Variants in OCLN observed in about 807,000 individuals in gnomAD.
OCLN encodes the protein phosphatase 1, regulatory subunit 115.
In OCLN, 21 loss-of-function variants were observed where a neutral mutation model predicts 47.9. That is an observed-to-expected ratio of 0.44 (90% CI 0.31 to 0.63). OCLN has a LOEUF of 0.63. Ranked by LOEUF, OCLN falls within the 30% of genes least tolerant of loss-of-function variation. The probability of loss-of-function intolerance (pLI) is 0.08; values close to 1 mark genes in which losing one functional copy is unlikely to be tolerated. For missense variants in OCLN, 360 were observed against 571.0 expected, an observed-to-expected ratio of 0.63 and a Z score of 3.77; for synonymous variants, 117 against 198.4, an observed-to-expected ratio of 0.59 and a Z score of 3.45.
chr5:69,518,127 C>T (rs1475935789), intron 4 of OCLN, among the ~76,000 whole-genome samples: 1 of 152,124 alleles, frequency 6.6e-6, no homozygotes, highest in East Asian at 1.9e-4. Context: ...CAAAAGATAG[C>T]TGTTGTAACT....
chr5:69,498,081 G>T (rs369252657), intron 1 of OCLN, among the ~76,000 whole-genome samples: 2 of 151,524 alleles, frequency 1.3e-5, no homozygotes, highest in East Asian at 3.9e-4. Context: ...GCAGTGAGCC[G>T]AGATCCCGCC....
chr5:69,517,735 G>A (rs534619532), intron 4 of OCLN, among the ~76,000 whole-genome samples: 10 of 152,146 alleles, frequency 6.6e-5, no homozygotes, highest in Non-Finnish European at 1.5e-4. Flanking sequence ...GCTGTGGTAT[G>A]TATTCACCAC....
At chr5:69,511,800 G>A (rs1046908822) in intron 3 of OCLN, among the ~76,000 whole-genome samples, 20 of 152,146 alleles carry the variant, frequency 1.3e-4, no homozygotes, top group African/African-American at 2.4e-4. Flanking sequence ...CAAGGTGGGC[G>A]GATCACCTGA....
chr5:69,506,168 G>T (rs1394566710), intron 2 of OCLN, among the ~76,000 whole-genome samples: 6 of 152,214 alleles, frequency 3.9e-5, no homozygotes, highest in Admixed American at 1.3e-4. Context: ...ACAAAAGCCA[G>T]GTGTGGTGGT....
At chr5:69,536,357 CTT>C (rs1244683515) in intron 5 of OCLN, among the ~76,000 whole-genome samples, 1 of 141,784 alleles carries the variant, frequency 7.1e-6, no homozygotes, top group East Asian at 2.0e-4. Context: ...TTTTTTGACT[CTT>C]TTGTAATAAC....
rs905329592 is a variant in OCLN at position 69,554,526 on chromosome 5, A to G, written c.*855A>G. The G allele has an allele frequency of 1.3e-5, 2 of 151,940 alleles. No individual in the cohort carries two copies. Among genetic ancestry groups the G allele is most frequent in the Non-Finnish European group, 2.9e-5 (2 of 67,966 alleles). 9.4% of individuals were successfully genotyped at this position (151,940 alleles called of 1,614,324 possible). ...TATCTTACAGGAATGTTCAATTTCT[A>G]TACATATTTTATAAGGTATTAAACC... On this transcript the variant is annotated 3_prime_UTR_variant, in exon 9 of 9. Coordinates refer to ENST00000396442, the MANE Select transcript of OCLN (RefSeq NM_001205254.2).
In OCLN at chr5:69,509,453, C is replaced by CTATGGT; in HGVS notation, c.369_374dup (p.Tyr128_Gly129dup). The stretch of plus-strand genomic sequence containing the variant: ...GCTACGGAAGTGGCTATGGCTATGG[C>CTATGGT]TATGGTTATGGCTATGGCTACGGAG... On this transcript the variant is annotated inframe_insertion, in exon 3 of 9. Coordinates refer to ENST00000396442, the MANE Select transcript of OCLN (RefSeq NM_001205254.2). 1.2e-6 allele frequency: 2 copies of CTATGGT among 1,613,998 alleles called. No individual in the cohort carries two copies. The highest frequency in any genetic ancestry group is 1.7e-6 in the Non-Finnish European group (2 of 1,179,908).
Position 69,495,740 on chromosome 5 carries a change from G to A in OCLN, c.-69+2840G>A, listed in dbSNP as rs565931365. On this transcript the variant is annotated intron_variant, in intron 1 of 8. Transcript: ENST00000396442. ...TGATACCTATATTTTAGGTATGAGGGCAGAGGGGAGTTTGCTCTGAAAAAA... is the reference window on the plus strand; with the variant it reads ...TGATACCTATATTTTAGGTATGAGGACAGAGGGGAGTTTGCTCTGAAAAAA... Among the ~76,000 whole-genome samples the A allele has an allele frequency of 1.2e-4, 19 of 152,198 alleles. No individual in the cohort carries two copies. In the South Asian group the frequency reaches 3.5e-3, roughly 28 times the overall value.
At chr5:69,519,660 T>G (rs1052390613) in intron 4 of OCLN, among the ~76,000 whole-genome samples, 1 of 152,188 alleles carries the variant, frequency 6.6e-6, no homozygotes, top group Non-Finnish European at 1.5e-5. Flanking sequence ...TCTGATTTTT[T>G]TAATTAAATA....
At chr5:69,533,793 C>T (rs892451021) in intron 4 of OCLN, among the ~76,000 whole-genome samples, 6 of 152,174 alleles carry the variant, frequency 3.9e-5, no homozygotes, top group Non-Finnish European at 7.3e-5. Flanking sequence ...GCTGGGACTA[C>T]AGGTGCATGC....
intron 4 of OCLN, among the ~76,000 whole-genome samples, chr5:69,531,940 A>G (rs759999137): frequency 9.7e-4 from 148 of 152,236 alleles, no homozygotes; most frequent in Non-Finnish European, 7.9e-4. Flanking sequence ...GCTTTATAAT[A>G]GCAAAATAAT....
At chr5:69,533,024 TATACACACACAC>T (rs2112057661) in intron 4 of OCLN, among the ~76,000 whole-genome samples, 5 of 146,924 alleles carry the variant, frequency 3.4e-5, no homozygotes, top group African/African-American at 1.0e-4. Flanking sequence ...TGTGTGTGTG[TATACACACACAC>T]ATGTATATAT....
At chr5:69,513,678 T>C (rs575549404) in intron 3 of OCLN, among the ~76,000 whole-genome samples, 1 of 151,686 alleles carries the variant, frequency 6.6e-6, no homozygotes, top group African/African-American at 2.4e-5. Context: ...ATGAGGGTGA[T>C]GATTGATAGT....
In OCLN at chr5:69,512,747, T is replaced by A. The variant is rs145641127; in HGVS notation, c.730-1201T>A. Among the ~76,000 whole-genome samples the A allele has an allele frequency of 4.7e-4, 72 of 152,358 alleles. 1 individual carries two copies. The East Asian group carries it at 0.013, about 29-fold the overall frequency. On this transcript the variant is annotated intron_variant, in intron 3 of 8. Transcript: ENST00000396442. ...TAATAGTGTTTTATAGTTTTCAGAG[T>A]GTAAGTTAGTATGTTTAAAAGCTAA...
At chr5:69,531,145 A>T (rs1312493846) in intron 4 of OCLN, among the ~76,000 whole-genome samples, 1 of 152,240 alleles carries the variant, frequency 6.6e-6, no homozygotes, top group Non-Finnish European at 1.5e-5. Flanking sequence ...GTAAGCAGTC[A>T]GATAGTGGTG....
chr5:69,502,176 T>TG (rs1768476990), intron 1 of OCLN, among the ~76,000 whole-genome samples: 1 of 148,616 alleles, frequency 6.7e-6, no homozygotes, highest in African/African-American at 2.5e-5. Context: ...TCCATCCTGG[T>TG]GACAGAGCGA....
chr5:69,515,554 C>T (rs1768924735), intron 4 of OCLN, among the ~76,000 whole-genome samples: 1 of 149,892 alleles, frequency 6.7e-6, no homozygotes, highest in African/African-American at 2.4e-5. Flanking sequence ...CCCCACCTCC[C>T]TCCCGGACGG....
chr5:69,511,325 C>T (rs1002511661), intron 3 of OCLN, among the ~76,000 whole-genome samples: 3 of 151,812 alleles, frequency 2.0e-5, no homozygotes, highest in Admixed American at 1.3e-4. Flanking sequence ...CCTCGTGATC[C>T]GCCCGCCTCG....
In OCLN at chr5:69,555,045, C is replaced by T. The variant is rs1769937961; in HGVS notation, c.*1374C>T. 6.7e-6 allele frequency: 1 copy of T among 148,154 alleles called. No homozygotes were observed. Among genetic ancestry groups the T allele is most frequent in the African/African-American group, 2.5e-5 (1 of 40,800 alleles). The allele number at this position is 148,154 out of a possible 1,614,324, so 9.2% of individuals were successfully genotyped here. A position where few individuals can be genotyped will look rare whatever the true frequency, so the allele number is the denominator to read the frequency against. On this transcript the variant is annotated 3_prime_UTR_variant, in exon 9 of 9. Transcript: ENST00000396442. ...CCACCTCCCGGGTTCAAGCAATTCT[C>T]CTGCCTCAGCCTCTCGAGTAGTTGA...
Sources: allele counts gnomAD v4.1 joint callset (sites outside exome capture counted in the v4.1 genomes callset), GRCh38; gene constraint gnomAD v4.1.1; transcripts MANE v1.5; gene names NCBI Gene and HGNC (gene_info 2026-07-23, HGNC 2026-07-21).